Variants in C8orf74 observed in about 807,000 individuals in gnomAD.
The protein encoded by C8orf74 is uncharacterized protein C8orf74.
A neutral mutation model predicts 22.2 loss-of-function variants in C8orf74; 29 were observed. The observed-to-expected ratio is 1.31, with a 90% CI of 0.97 to 1.78. The LOEUF is 1.78. C8orf74 is among the 40% of genes most tolerant of loss of function. The probability of loss-of-function intolerance (pLI) is 0.00; values close to 1 mark genes in which losing one functional copy is unlikely to be tolerated. For missense variants in C8orf74, 515 were observed against 369.9 expected (o/e 1.39, Z -3.22); for synonymous variants, 255 against 163.1 (o/e 1.56, Z -4.30).
intron 2 of C8orf74, among the ~76,000 whole-genome samples, chr8:10,693,843 C>A (rs949255954): frequency 6.6e-6 from 1 of 152,240 alleles, no homozygotes; most frequent in East Asian, 1.9e-4. Flanking sequence ...GCCCAGAAGA[C>A]AGAGCCCTGG....
In C8orf74 at chr8:10,680,919, C is replaced by T. The variant is rs531645259; in HGVS notation, c.241+6081C>T. On this transcript the variant is annotated intron_variant, in intron 2 of 3. Transcript: ENST00000304519. ...TGGGTGCAGGCAGCCCAGGCAGGAG[C>T]GGGGGTCCTCTGTCTGTTTTGGCTA... Among the ~76,000 whole-genome samples the T allele has an allele frequency of 5.8e-4, 89 of 152,204 alleles. 1 individual carries two copies. Among genetic ancestry groups the T allele is most frequent in the African/African-American group, 2.1e-3 (86 of 41,518 alleles).
At chr8:10,700,167 G>C (rs953305170) in intron 3 of C8orf74, 68 bp from the exon 4 acceptor site, 17 of 999,602 alleles carry the variant, frequency 1.7e-5, no homozygotes, top group African/African-American at 3.3e-5. Context: ...TGCAACAGGG[G>C]CTGAGTTGAG....
intron 2 of C8orf74, among the ~76,000 whole-genome samples, chr8:10,677,881 A>T (rs1003355393): frequency 1.2e-4 from 19 of 152,074 alleles, no homozygotes; most frequent in Non-Finnish European, 7.4e-5. Context: ...CCATTTCCCC[A>T]TCCTGCCCTT....
chr8:10,699,423 C>A (rs907258647), intron 3 of C8orf74, among the ~76,000 whole-genome samples: 3 of 152,372 alleles, frequency 2.0e-5, no homozygotes, highest in African/African-American at 4.8e-5. Flanking sequence ...GGCAAATGCA[C>A]AATTTTGCAT....
chr8:10,686,366 G>T (rs1799262590), intron 2 of C8orf74, among the ~76,000 whole-genome samples: 1 of 152,176 alleles, frequency 6.6e-6, no homozygotes, highest in Non-Finnish European at 1.5e-5. Flanking sequence ...TAGGTTGGTT[G>T]TGATAACCAA....
chr8:10,695,449 C>T (rs117643359), intron 2 of C8orf74, among the ~76,000 whole-genome samples: 1,891 of 152,180 alleles, frequency 0.012, 22 homozygotes, highest in Middle Eastern at 0.024. Context: ...CTTCCCTCCC[C>T]CTGGAGGCTG....
chr8:10,691,157 AAGTT>A (rs1000611254), intron 2 of C8orf74: 2 of 349,514 alleles, frequency 5.7e-6, no homozygotes, highest in Admixed American at 7.4e-5. Context: ...TGGGGGCCGA[AAGTT>A]AGAATTCAGC....
intron 2 of C8orf74, 107 bp from the exon 3 acceptor site, chr8:10,697,492 G>T: frequency 1.1e-6 from 1 of 885,040 alleles, no homozygotes. Flanking sequence ...AATGCAGTGG[G>T]GACATGGGCT....
chr8:10,692,910 G>A (rs939375737), intron 2 of C8orf74: 1 of 152,290 alleles, frequency 6.6e-6, no homozygotes, highest in African/African-American at 2.4e-5. Flanking sequence ...CGCAGCTTGA[G>A]TGATAGTGGA....
intron 2 of C8orf74, among the ~76,000 whole-genome samples, chr8:10,688,063 G>T (rs538430482): frequency 6.6e-6 from 1 of 152,006 alleles, no homozygotes; most frequent in Admixed American, 6.6e-5. Flanking sequence ...AAATTAGCCA[G>T]GCGTGGTAGT....
intron 2 of C8orf74, among the ~76,000 whole-genome samples, chr8:10,684,937 A>C (rs538486307): frequency 1.8e-4 from 28 of 152,352 alleles, no homozygotes; most frequent in Non-Finnish European, 2.1e-4. Context: ...TAACGGAGAT[A>C]GCTCCTAAGT....
chr8:10,682,911 C>T (rs528191715), intron 2 of C8orf74, among the ~76,000 whole-genome samples: 2 of 152,342 alleles, frequency 1.3e-5, no homozygotes, highest in East Asian at 1.9e-4. Context: ...AACCTGGCTT[C>T]GCAGGTGCCA....
intron 2 of C8orf74, chr8:10,691,914 G>A (rs898836299): frequency 1.3e-5 from 2 of 152,388 alleles, no homozygotes; most frequent in Admixed American, 1.3e-4. Flanking sequence ...TTTGCCTCCT[G>A]GACAGCTGGG....
At chr8:10,682,738 G>A (rs1227373761) in intron 2 of C8orf74, among the ~76,000 whole-genome samples, 1 of 152,210 alleles carries the variant, frequency 6.6e-6, no homozygotes, top group African/African-American at 2.4e-5. Context: ...ACTGAGCAAG[G>A]CCACCACTCC....
At chr8:10,683,428 C>G (rs988659194) in intron 2 of C8orf74, among the ~76,000 whole-genome samples, 1 of 152,222 alleles carries the variant, frequency 6.6e-6, no homozygotes, top group East Asian at 1.9e-4. Flanking sequence ...ACTTACTGGT[C>G]AGCCTTGGAG....
At chr8:10,690,928 A>G (rs1281857080) in intron 2 of C8orf74, 1 of 456,164 alleles carries the variant, frequency 2.2e-6, no homozygotes, top group South Asian at 1.5e-5. Flanking sequence ...GCCAATGCAA[A>G]TGAGGGCCAC....
At chr8:10,688,958 C>G (rs1586044009) in intron 2 of C8orf74, 1 of 152,322 alleles carries the variant, frequency 6.6e-6, no homozygotes, top group East Asian at 1.9e-4. Context: ...CTGCCTGTCC[C>G]CAGGCCGTGG....
chr8:10,686,506 A>G lies in C8orf74; in HGVS notation c.242-11093A>G, dbSNP rs1383255457. ...CCAGAGCTTTCTGGGAAGATTTTCC[A>G]TTATCTGCCCTGTCGTTCTCATAAG... On this transcript the variant is annotated intron_variant, in intron 2 of 3. Transcript: ENST00000304519. 2.0e-5 allele frequency: 3 copies of G among 152,364 alleles called. No homozygotes were observed. The East Asian group carries it at 5.8e-4, about 29-fold the overall frequency. The allele number at this position is 152,364 out of a possible 1,614,324, so 9.4% of individuals were successfully genotyped here.
chr8:10,696,583 G>A (rs1406754335), intron 2 of C8orf74, among the ~76,000 whole-genome samples: 2 of 151,406 alleles, frequency 1.3e-5, no homozygotes, highest in African/African-American at 2.4e-5. Flanking sequence ...AAGTAGCTGG[G>A]ATTACAGGCA....
Sources: gnomAD v4.1 joint callset for allele counts (sites outside exome capture counted in the v4.1 genomes callset) on GRCh38, gnomAD v4.1.1 for gene constraint, MANE v1.5 for transcripts, NCBI Gene and HGNC (gene_info 2026-07-23, HGNC 2026-07-21) for gene names.